Variants in SLC25A37 observed in about 807,000 individuals in gnomAD.
SLC25A37 encodes mitoferrin-1.
A neutral mutation model predicts 31.0 loss-of-function variants in SLC25A37; 17 were observed. The observed-to-expected ratio is 0.55, with a 90% confidence interval of 0.38 to 0.82. The LOEUF (loss-of-function observed/expected upper bound fraction) is 0.82, where lower values mean the gene tolerates loss of function less well. SLC25A37 is among the 40% of genes least tolerant of loss of function. SLC25A37 has a pLI of 0.00. For synonymous variants in SLC25A37, 222 were observed against 193.0 expected (o/e 1.15, Z -1.24); for missense variants, 404 against 465.8 (o/e 0.87, Z 1.22).
At chr8:23,564,760 G>C (rs1012663467) in intron 1 of SLC25A37, among the ~76,000 whole-genome samples, 1 of 152,122 alleles carries the variant, frequency 6.6e-6, no homozygotes, top group African/African-American at 2.4e-5. Flanking sequence ...GAGAGACAGA[G>C]ACATCTATAT....
At chr8:23,556,005 G>T (rs746935231) in intron 1 of SLC25A37, among the ~76,000 whole-genome samples, 3 of 152,136 alleles carry the variant, frequency 2.0e-5, no homozygotes, top group Non-Finnish European at 2.9e-5. Context: ...AGCTGGTTGG[G>T]CTCTTTGCTT....
At chr8:23,547,904 C>T (rs1266330042) in intron 1 of SLC25A37, among the ~76,000 whole-genome samples, 3 of 152,198 alleles carry the variant, frequency 2.0e-5, no homozygotes, top group African/African-American at 7.2e-5. Flanking sequence ...GCTCTGTTTA[C>T]AGCTCTCTGA....
intron 1 of SLC25A37, among the ~76,000 whole-genome samples, chr8:23,530,449 G>A (rs572551364): frequency 1.3e-5 from 2 of 152,348 alleles, no homozygotes; most frequent in East Asian, 1.9e-4. Flanking sequence ...CGGGGAGCTC[G>A]CTTGGAGCCA....
chr8:23,538,547 T>TGTGTG (rs1563251552), intron 1 of SLC25A37, among the ~76,000 whole-genome samples: 1,492 of 145,518 alleles, frequency 0.01, 22 homozygotes, highest in South Asian at 0.03. Flanking sequence ...GTGTGTGTGT[T>TGTGTG]TGTGTGTGTG....
chr8:23,573,006 C>T lies in SLC25A37; in HGVS notation c.*1151C>T, dbSNP rs1208364154. On this transcript the variant is annotated 3_prime_UTR_variant, in exon 4 of 4. Coordinates refer to ENST00000519973, the MANE Select transcript of SLC25A37 (RefSeq NM_016612.4). ...ACTCAGGCACTTCAGGTAACGTGAT[C>T]TATGTGTGTTTTGACTGAATCTCAT... 4 of 152,298 alleles carry T rather than the reference C, an allele frequency of 2.6e-5. No individual in the cohort carries two copies. The highest frequency in any genetic ancestry group is 5.9e-5 in the Non-Finnish European group (4 of 68,100). The allele number at this position is 152,298 out of a possible 1,614,324, so 9.4% of individuals were successfully genotyped here.
intron 1 of SLC25A37, among the ~76,000 whole-genome samples, chr8:23,565,135 G>C (rs893329175): frequency 7.9e-5 from 12 of 152,198 alleles, no homozygotes; most frequent in Non-Finnish European, 1.0e-4. Context: ...GCCTTCAGCT[G>C]ATTAAATGAG....
chr8:23,553,870 CAG>C lies in SLC25A37; in HGVS notation c.211-12237_211-12236del, dbSNP rs1802295130. Reference sequence around the variant, plus strand: ...TGCAGCTGGGCATAGACACAGTCCTCAGGGGTTTTGTGGACATTAACAAGTAA... The same window carrying C: ...TGCAGCTGGGCATAGACACAGTCCTCGGGTTTTGTGGACATTAACAAGTAA... On this transcript the variant is annotated intron_variant, in intron 1 of 3. Transcript: ENST00000519973. Among the ~76,000 whole-genome samples, 15 of 152,268 alleles carry C rather than the reference CAG, an allele frequency of 9.9e-5. No homozygotes were observed. The South Asian group carries it at 2.9e-3, about 30-fold the overall frequency.
intron 1 of SLC25A37, among the ~76,000 whole-genome samples, chr8:23,547,012 G>A (rs1295166371): frequency 1.3e-5 from 2 of 152,070 alleles, no homozygotes; most frequent in Non-Finnish European, 2.9e-5. Context: ...GCTTTGCCTG[G>A]CCTTGGATAA....
chr8:23,568,164 A>G, intron 2 of SLC25A37, 158 bp from the exon 3 acceptor site: 1 of 753,508 alleles, frequency 1.3e-6, no homozygotes, highest in Non-Finnish European at 2.4e-6. Context: ...TTCCACCATC[A>G]CTTCAGGGTT....
intron 1 of SLC25A37, among the ~76,000 whole-genome samples, chr8:23,557,060 A>G (rs1439143376): frequency 6.6e-6 from 1 of 152,170 alleles, no homozygotes; most frequent in Non-Finnish European, 1.5e-5. Flanking sequence ...CATGTTGGCC[A>G]GGCTGGTCTC....
intron 1 of SLC25A37, among the ~76,000 whole-genome samples, chr8:23,530,159 C>G (rs981641091): frequency 2.6e-5 from 4 of 152,210 alleles, no homozygotes; most frequent in Admixed American, 1.3e-4. Flanking sequence ...ATAGGCATAA[C>G]TCGCCTAATT....
At chr8:23,559,711 G>A (rs1165492949) in intron 1 of SLC25A37, among the ~76,000 whole-genome samples, 1 of 152,098 alleles carries the variant, frequency 6.6e-6, no homozygotes, top group Non-Finnish European at 1.5e-5. Context: ...CTACAAATTT[G>A]ACTACTCTAG....
intron 1 of SLC25A37, among the ~76,000 whole-genome samples, chr8:23,558,718 G>A (rs1038727331): frequency 7.9e-5 from 12 of 152,194 alleles, no homozygotes; most frequent in African/African-American, 2.4e-4. Flanking sequence ...CAGATCTGGA[G>A]CTGGAGGGGA....
rs1462659430 is a variant in SLC25A37, at chr8:23,529,038, G to T, written c.36G>T (p.Ala12=). 1 of 1,557,326 alleles carries T rather than the reference G, an allele frequency of 6.4e-7. No individual in the cohort carries two copies. ...GCAGCGGGAGCGTGGGCAGCCAGGCGGTGGCGCGGAGGATGGATGGGGACA... is the reference window on the plus strand; with the variant it reads ...GCAGCGGGAGCGTGGGCAGCCAGGCTGTGGCGCGGAGGATGGATGGGGACA... ...ELRSGSVGSQ[A]VARRMDGDSR... Residue 12 remains alanine (A), a synonymous_variant, in exon 1 of 4, where the codon GCG becomes GCT. Transcript: ENST00000519973. This position sits in a 1 kb window ranked among gnomAD's most constrained non-coding sequence, Gnocchi z 4.1.
chr8:23,542,181 T>C (rs1040199671), intron 1 of SLC25A37, among the ~76,000 whole-genome samples: 8 of 152,150 alleles, frequency 5.3e-5, no homozygotes, highest in African/African-American at 1.7e-4. Context: ...TCCTATTACC[T>C]AGGGGCATCA....
At chr8:23,560,693 A>G (rs777957698) in intron 1 of SLC25A37, among the ~76,000 whole-genome samples, 1 of 152,226 alleles carries the variant, frequency 6.6e-6, no homozygotes, top group Non-Finnish European at 1.5e-5. Context: ...TGTGTCATTA[A>G]CTAAGACCTG....
At chr8:23,554,699 A>T (rs1174592131) in intron 1 of SLC25A37, among the ~76,000 whole-genome samples, 1 of 152,288 alleles carries the variant, frequency 6.6e-6, no homozygotes, top group South Asian at 2.1e-4. Flanking sequence ...TCTGAACTAC[A>T]GGCAAGGCTG....
intron 1 of SLC25A37, among the ~76,000 whole-genome samples, chr8:23,559,482 A>G (rs1802456817): frequency 6.6e-6 from 1 of 152,144 alleles, no homozygotes; most frequent in Non-Finnish European, 1.5e-5. Flanking sequence ...TAAAAATTGT[A>G]GTAAAATATA....
At chr8:23,556,088 TAA>T (rs1273198628) in intron 1 of SLC25A37, among the ~76,000 whole-genome samples, 1 of 119,320 alleles carries the variant, frequency 8.4e-6, no homozygotes, top group Non-Finnish European at 1.8e-5. Context: ...TATGTTCTTC[TAA>T]CTCTGCTTGA....
Sources: gnomAD v4.1 joint callset for allele counts (sites outside exome capture counted in the v4.1 genomes callset) on GRCh38, gnomAD v4.1.1 for gene constraint, Gnocchi (gnomAD v3.1) non-coding constraint, MANE v1.5 for transcripts, NCBI Gene and HGNC (gene_info 2026-07-23, HGNC 2026-07-21) for gene names.